Variants in ARMC2 observed in about 807,000 individuals in gnomAD.
ARMC2 encodes armadillo repeat containing 2.
Under a neutral mutation model 90.3 loss-of-function variants are expected in ARMC2, and 67 were observed. That is an observed-to-expected ratio of 0.74 (90% CI 0.61 to 0.91). ARMC2 has a LOEUF of 0.91. Among genes scored for constraint, ARMC2 ranks in the 40% least tolerant of loss-of-function variants. ARMC2 has a pLI of 0.00. For missense variants in ARMC2, 920 were observed against 1,030.9 expected (o/e 0.89, Z 1.47); for synonymous variants, 393 against 393.0 (o/e 1.00, Z 0.00).
the ARMC2 span, among the ~76,000 whole-genome samples, chr6:109,031,831 C>T: frequency 6.6e-6 from 1 of 151,984 alleles, no homozygotes; most frequent in East Asian, 1.9e-4. Flanking sequence ...CTGAGTATCC[C>T]CTATACCAAA....
chr6:108,879,138 A>C (rs1294754235), intron 5 of ARMC2, among the ~76,000 whole-genome samples: 2 of 150,132 alleles, frequency 1.3e-5, no homozygotes, highest in East Asian at 4.0e-4. Context: ...CCATCCGCTC[A>C]TCTATATATC....
chr6:108,856,954 T>C (rs1414722068), intron 2 of ARMC2, among the ~76,000 whole-genome samples: 2 of 152,240 alleles, frequency 1.3e-5, no homozygotes, highest in Non-Finnish European at 2.9e-5. Flanking sequence ...AGTACTATAC[T>C]GTCTTTATTA....
At chr6:109,003,275 A>G in the ARMC2 span, among the ~76,000 whole-genome samples, 37 of 151,372 alleles carry the variant, frequency 2.4e-4, no homozygotes, top group African/African-American at 8.5e-4. Flanking sequence ...TTATATATAT[A>G]ATTAAATACT....
intron 10 of ARMC2, among the ~76,000 whole-genome samples, chr6:108,925,793 A>G (rs1371494826): frequency 1.3e-5 from 2 of 152,212 alleles, no homozygotes; most frequent in African/African-American, 4.8e-5. Context: ...TACCAGCACC[A>G]CAAATGACAA....
Position 108,880,144 on chromosome 6 carries a change from C to G in ARMC2, c.671+3794C>G, listed in dbSNP as rs186858016. The G allele has an allele frequency of 2.2e-3, 791 of 361,630 alleles. 4 individuals carry two copies. The highest frequency in any genetic ancestry group is 0.014 in the African/African-American group (673 of 46,914). 22.4% of individuals were successfully genotyped at this position (361,630 alleles called of 1,614,324 possible). A position where few individuals can be genotyped will look rare whatever the true frequency, so the allele number is the denominator to read the frequency against. On this transcript the variant is annotated intron_variant, in intron 5 of 17. Transcript: ENST00000392644. ...CAACAACAAAAAAATGGCTACGACC[C>G]TGAACTACACAACATGAAGCAAACT...
intron 6 of ARMC2, among the ~76,000 whole-genome samples, chr6:108,898,473 T>G (rs1407709923): frequency 6.6e-6 from 1 of 152,226 alleles, no homozygotes; most frequent in Admixed American, 6.5e-5. Context: ...AGGGGTGGTC[T>G]TCAGAGAAGA....
chr6:108,961,700 G>T lies in ARMC2; in HGVS notation c.2038+6G>T. 6.3e-7 allele frequency: 1 copy of T among 1,588,708 alleles called. No homozygotes were observed. The highest frequency in any genetic ancestry group is 1.1e-5 in the South Asian group (1 of 87,966). The stretch of plus-strand genomic sequence containing the variant: ...AAAGCTATATATTGCTGAATGTAAG[G>T]TTCAGAGTTGGATTTGGATAAATGA... On this transcript the variant is annotated splice_donor_region_variant and intron_variant, in intron 14 of 17. Transcript: ENST00000392644.
chr6:108,885,364 T>C (rs1181614062), intron 5 of ARMC2, among the ~76,000 whole-genome samples: 9 of 152,076 alleles, frequency 5.9e-5, no homozygotes, highest in African/African-American at 2.2e-4. Flanking sequence ...TTTCAAGTGT[T>C]TGTGTATAGC....
intron 17 of ARMC2, among the ~76,000 whole-genome samples, chr6:108,969,004 G>A (rs1778571658): frequency 6.6e-6 from 1 of 152,164 alleles, no homozygotes; most frequent in Admixed American, 6.5e-5. Flanking sequence ...TTAGTGGTGT[G>A]CTGAGCACTC....
intron 5 of ARMC2, among the ~76,000 whole-genome samples, chr6:108,881,177 T>C (rs112129876): frequency 1.3e-5 from 2 of 151,858 alleles, no homozygotes; most frequent in Non-Finnish European, 2.9e-5. Flanking sequence ...TTTTCTTTTT[T>C]TTTTCTTTCT....
chr6:108,964,911 G>A (rs1442113171), intron 16 of ARMC2, 69 bp from the exon 17 acceptor site: 4 of 1,166,648 alleles, frequency 3.4e-6, no homozygotes, highest in Non-Finnish European at 5.0e-6. Flanking sequence ...TAATCATTAT[G>A]CTAACAATAT....
the ARMC2 span, among the ~76,000 whole-genome samples, chr6:108,984,797 A>T: frequency 1.3e-5 from 2 of 152,138 alleles, no homozygotes; most frequent in East Asian, 3.8e-4. Flanking sequence ...TCTTGATCAC[A>T]CCATCCTCTG....
chr6:108,885,521 T>G (rs1778000116), intron 5 of ARMC2, among the ~76,000 whole-genome samples: 1 of 151,982 alleles, frequency 6.6e-6, no homozygotes, highest in Non-Finnish European at 1.5e-5. Flanking sequence ...AAATCACATT[T>G]CTACCAAAAA....
intron 5 of ARMC2, among the ~76,000 whole-genome samples, chr6:108,894,172 T>G (rs1463805351): frequency 6.6e-6 from 1 of 152,020 alleles, no homozygotes; most frequent in Non-Finnish European, 1.5e-5. Flanking sequence ...ATCACCAGCC[T>G]GGACAACATA....
chr6:108,992,529 G>C, the ARMC2 span, among the ~76,000 whole-genome samples: 1 of 152,118 alleles, frequency 6.6e-6, no homozygotes, highest in South Asian at 2.1e-4. Context: ...GGAACGCTGG[G>C]AGTATCAACT....
intron 16 of ARMC2, 85 bp downstream of exon 16, chr6:108,964,397 T>G: frequency 1.4e-6 from 2 of 1,462,462 alleles, no homozygotes; most frequent in African/African-American, 1.4e-5. Flanking sequence ...TCATCATTCC[T>G]GTGGGGCAAA....
chr6:108,981,344 A>G, the ARMC2 span, among the ~76,000 whole-genome samples: 6 of 152,112 alleles, frequency 3.9e-5, no homozygotes, highest in Admixed American at 6.6e-5. Context: ...AAAACACGTA[A>G]AATCTACCAT....
At chr6:108,994,638 T>A in the ARMC2 span, 1 of 1,583,222 alleles carries the variant, frequency 6.3e-7, no homozygotes, top group Non-Finnish European at 8.6e-7. Context: ...TAATGTTACA[T>A]GTGGCAGACA....
the ARMC2 span, among the ~76,000 whole-genome samples, chr6:109,033,080 A>G: frequency 6.6e-6 from 1 of 152,094 alleles, no homozygotes; most frequent in Non-Finnish European, 1.5e-5. Context: ...AGAGGAGGGG[A>G]AAAAGTCAAG....
Sources: allele counts gnomAD v4.1 joint callset (sites outside exome capture counted in the v4.1 genomes callset), GRCh38; gene constraint gnomAD v4.1.1; transcripts MANE v1.5; gene names NCBI Gene and HGNC (gene_info 2026-07-23, HGNC 2026-07-21).